The following TOP3A variants were observed in gnomAD, a reference collection of about 807,000 sequenced individuals.
TOP3A encodes DNA topoisomerase 3-alpha.
In TOP3A, 64 loss-of-function variants were observed where a neutral mutation model predicts 111.3. That is an observed-to-expected ratio of 0.57 (90% confidence interval 0.47 to 0.71). TOP3A has a LOEUF of 0.71. TOP3A is among the 30% of genes least tolerant of loss of function. The probability of loss-of-function intolerance (pLI) is 0.00; values close to 1 mark genes in which losing one functional copy is unlikely to be tolerated. For synonymous variants in TOP3A, 484 were observed against 485.1 expected (o/e 1.00, Z 0.03); for missense variants, 1,104 against 1,285.0 (o/e 0.86, Z 2.15).
chr17:18,276,373 G>A (rs1567732449), intron 18 of TOP3A, among the ~76,000 whole-genome samples: 1 of 152,196 alleles, frequency 6.6e-6, no homozygotes, highest in Non-Finnish European at 1.5e-5. Flanking sequence ...GGAGACAAGA[G>A]GCCAGACTGC....
chr17:18,302,485 T>A, intron 6 of TOP3A, 51 bp from the exon 7 acceptor site: 1 of 1,595,048 alleles, frequency 6.3e-7, no homozygotes, highest in Non-Finnish European at 8.6e-7. Context: ...ATAATGAGAG[T>A]CCAGGGCTGG....
intron 16 of TOP3A, among the ~76,000 whole-genome samples, chr17:18,281,890 C>G (rs1158329755): frequency 6.6e-6 from 1 of 152,214 alleles, no homozygotes; most frequent in Non-Finnish European, 1.5e-5. Context: ...TGACTCCAAG[C>G]AAGCACCTCA....
At position 18,290,887 on chromosome 17, in the gene TOP3A, G is replaced by A; in HGVS notation, c.1422C>T (p.Ala474=). 6.2e-7 allele frequency: 1 copy of A among 1,614,154 alleles called. No individual in the cohort carries two copies. Among genetic ancestry groups the A allele is most frequent in the Non-Finnish European group, 8.5e-7 (1 of 1,180,040 alleles). Residue 474 remains alanine, a synonymous_variant, in exon 12 of 19, where the codon GCC becomes GCT. Coordinates refer to ENST00000321105, the MANE Select transcript of TOP3A (RefSeq NM_004618.5). ...ATGGATACACATCCAGATAGTTTCG[G>A]GCCAGAATCATGAGGCCATGGGCCA... ...RFVAHGLMIL[A]RNYLDVYPYD... is the part of the protein sequence containing the mutation.
intron 16 of TOP3A, among the ~76,000 whole-genome samples, chr17:18,281,415 C>G (rs1262096912): frequency 6.6e-6 from 1 of 152,058 alleles, no homozygotes; most frequent in East Asian, 1.9e-4. Context: ...AAAAGAATAA[C>G]AGAAGAACAA....
At chr17:18,314,352 G>A (rs1348452904) in intron 1 of TOP3A, among the ~76,000 whole-genome samples, 1 of 152,214 alleles carries the variant, frequency 6.6e-6, no homozygotes, top group African/African-American at 2.4e-5. Flanking sequence ...AGACAAGTTT[G>A]GGAACCTGCT....
At chr17:18,279,006 T>C (rs1433369898) in intron 17 of TOP3A, among the ~76,000 whole-genome samples, 1 of 152,170 alleles carries the variant, frequency 6.6e-6, no homozygotes, top group Non-Finnish European at 1.5e-5. Flanking sequence ...TATGTCTATT[T>C]TGCTCTTATT....
At chr17:18,302,044 A>T (rs1190650448) in intron 7 of TOP3A, 59 bp from the exon 8 acceptor site, 3 of 1,531,380 alleles carry the variant, frequency 2.0e-6, no homozygotes, top group East Asian at 4.5e-5. Flanking sequence ...ATGATATGAC[A>T]GATAGAAAAA....
At chr17:18,294,923 C>A in intron 9 of TOP3A, 138 bp from the exon 10 acceptor site, 1 of 628,912 alleles carries the variant, frequency 1.6e-6, no homozygotes, top group Non-Finnish European at 2.9e-6. Context: ...AAAGGCTGCC[C>A]AACAACGATT....
In TOP3A at chr17:18,292,709, T is replaced by C. The variant is rs761215185; in HGVS notation, c.1217A>G (p.Asn406Ser). 8 of 1,608,358 alleles carry C rather than the reference T, an allele frequency of 5.0e-6. No homozygotes were observed. Among genetic ancestry groups the C allele is most frequent in the Non-Finnish European group, 1.7e-6 (2 of 1,176,374 alleles). Reference sequence around the variant, plus strand: ...GTGAGCTTGGTCAGACTTGTTCCCATTGCGTGGGGTGGGACCACCCCGCTC... The same window carrying C: ...GTGAGCTTGGTCAGACTTGTTCCCACTGCGTGGGGTGGGACCACCCCGCTC... Reference protein sequence around the residue: ...ILERGGPTPRNGNKSDQAHPP... With the variant: ...ILERGGPTPRSGNKSDQAHPP... The change falls in exon 11 of 19, where the codon AAT becomes AGT. Residue 406 changes from asparagine (N) to serine (S), a missense_variant. By Grantham distance (46) the Asn-to-Ser change is conservative. Coordinates refer to ENST00000321105, the MANE Select transcript of TOP3A (RefSeq NM_004618.5).
intron 10 of TOP3A, among the ~76,000 whole-genome samples, chr17:18,294,188 C>T (rs1016073290): frequency 6.6e-6 from 1 of 152,180 alleles, no homozygotes; most frequent in Admixed American, 6.5e-5. Flanking sequence ...AAAGTAAGAT[C>T]TGAATCTACT....
At chr17:18,306,672 C>T (rs1203391412) in intron 4 of TOP3A, 2 of 474,290 alleles carry the variant, frequency 4.2e-6, no homozygotes, top group Non-Finnish European at 7.5e-6. Context: ...AGCCTTTATT[C>T]CTAGGATTTA....
In TOP3A at chr17:18,278,238, C is replaced by T. The variant is rs759758444; in HGVS notation, c.2264G>A (p.Gly755Asp). The T allele has an allele frequency of 1.3e-6, 2 of 1,573,328 alleles. No homozygotes were observed. The highest frequency in any genetic ancestry group is 2.3e-5 in the East Asian group (1 of 44,388). Residue 755 changes from glycine (G) to aspartate (D), a missense_variant, in exon 18 of 19, where the codon GGC becomes GAC. Transcript: ENST00000321105. ...AGAGGGCTGGCTAGCCCTGGGGGGG[C>T]CCCCTGAAAATCTCAGGTCCAGGAT... ...REILDLRFSG[G>D]PPRASQPSGR...
At chr17:18,296,507 G>A (rs1023829126) in intron 9 of TOP3A, among the ~76,000 whole-genome samples, 1 of 152,076 alleles carries the variant, frequency 6.6e-6, no homozygotes, top group Non-Finnish European at 1.5e-5. Context: ...TTGAGCCCGG[G>A]AGACGGAGGT....
rs1363845736 is a variant in TOP3A at position 18,273,697 on chromosome 17, A to G, written c.*1105T>C. 6.6e-6 allele frequency among the ~76,000 whole-genome samples: 1 copy of G among 152,146 alleles called. No individual in the cohort carries two copies. Among genetic ancestry groups the G allele is most frequent in the Non-Finnish European group, 1.5e-5 (1 of 68,014 alleles). On this transcript the variant is annotated 3_prime_UTR_variant, in exon 19 of 19. Transcript: ENST00000321105. ...CAGGCTGGAGTGCAGTGGTGTGATC[A>G]TGGCTTGCTGCAGCCTCAAACTCTT...
chr17:18,278,849 G>A (rs995034270), intron 17 of TOP3A, among the ~76,000 whole-genome samples: 4 of 152,080 alleles, frequency 2.6e-5, no homozygotes, highest in African/African-American at 4.8e-5. Context: ...ATGGTGGCAC[G>A]CGCCTGTAGT....
In TOP3A at chr17:18,277,964, G is replaced by A; in HGVS notation, c.2538C>T (p.Phe846=). The part of the protein sequence containing the change: ...FKCNGGSCNF[F]LWADSPNPGA... ...CCGGATTGGGGCTGTCTGCCCACAG[G>A]AAGAAGTTGCAGCTACCTCCGTTGC... Residue 846 remains phenylalanine (F), a synonymous_variant, in exon 18 of 19, where the codon TTC becomes TTT. Transcript: ENST00000321105. The A allele has an allele frequency of 6.2e-7, 1 of 1,614,020 alleles. No individual in the cohort carries two copies. Among genetic ancestry groups the A allele is most frequent in the Non-Finnish European group, 8.5e-7 (1 of 1,180,044 alleles).
Position 18,314,588 on chromosome 17 carries a change from C to G in TOP3A, c.180+11G>C. 2 of 1,604,876 alleles carry G rather than the reference C, an allele frequency of 1.2e-6. No individual in the cohort carries two copies. The highest frequency in any genetic ancestry group is 1.7e-6 in the Non-Finnish European group (2 of 1,173,766). On this transcript the variant is annotated intron_variant, in intron 1 of 18. Transcript: ENST00000321105. ...TTAAGGCACGCAGCTGATCGGAACGCGCTTTCTTACCCGCCTCATGCGACC... is the reference window on the plus strand; with the variant it reads ...TTAAGGCACGCAGCTGATCGGAACGGGCTTTCTTACCCGCCTCATGCGACC...
At chr17:18,286,375 G>T (rs1045954505) in intron 13 of TOP3A, among the ~76,000 whole-genome samples, 1 of 151,678 alleles carries the variant, frequency 6.6e-6, no homozygotes, top group Admixed American at 6.6e-5. Flanking sequence ...AATTAGCCGG[G>T]TGTGGTGGCG....
intron 18 of TOP3A, among the ~76,000 whole-genome samples, chr17:18,275,293 CA>C (rs538677203): frequency 0.17 from 10,327 of 60,876 alleles, 196 homozygotes; most frequent in Middle Eastern, 0.29. Flanking sequence ...GACCCTGTCT[CA>C]AAAAAAAAAA....
Sources: gnomAD v4.1 joint callset for allele counts (sites outside exome capture counted in the v4.1 genomes callset) on GRCh38, gnomAD v4.1.1 for gene constraint, MANE v1.5 for transcripts, NCBI Gene and HGNC (gene_info 2026-07-23, HGNC 2026-07-21) for gene names.